The following HMCN1 variants were observed in gnomAD, a reference collection of about 807,000 sequenced individuals.
HMCN1 encodes the protein hemicentin-1.
A neutral mutation model predicts 625.9 loss-of-function variants in HMCN1; 321 were observed. That is an observed-to-expected ratio of 0.51 (90% CI 0.47 to 0.56). The LOEUF is 0.56. HMCN1 is among the 20% of genes least tolerant of loss of function. The pLI is 0.00. For synonymous variants in HMCN1, 2,425 were observed against 2,417.6 expected, an observed-to-expected ratio of 1.00 and a Z score of -0.09; for missense variants, 6,588 against 6,887.3, an observed-to-expected ratio of 0.96 and a Z score of 1.54.
In HMCN1 at chr1:186,136,037, G is replaced by A. The variant is rs755714793; in HGVS notation, c.13313-631G>A. Among the ~76,000 whole-genome samples, 29 of 152,096 alleles carry A rather than the reference G, an allele frequency of 1.9e-4. 1 individual carries two copies. The highest frequency in any genetic ancestry group is 4.1e-4 in the South Asian group (2 of 4,826). On this transcript the variant is annotated intron_variant, in intron 86 of 106. Transcript: ENST00000271588. ...AAAAGAATGAGTTAATTAGCCAGGC[G>A]TGGTGGCGGGTGCCTGTAATCCCAG... is the stretch of plus-strand genomic sequence containing the variant.
At chr1:186,050,955 A>G (rs1309710631) in intron 42 of HMCN1, among the ~76,000 whole-genome samples, 3 of 152,042 alleles carry the variant, frequency 2.0e-5, no homozygotes, top group African/African-American at 4.8e-5. Flanking sequence ...GTAGAAAAGC[A>G]TATGAGACAC....
intron 1 of HMCN1, among the ~76,000 whole-genome samples, chr1:185,827,485 G>T (rs1454527993): frequency 6.6e-6 from 1 of 152,022 alleles, no homozygotes; most frequent in Non-Finnish European, 1.5e-5. Flanking sequence ...GGAAAAGTTG[G>T]CAGGAGCACA....
At position 186,087,452 on chromosome 1, in the gene HMCN1, G is replaced by A. The variant is rs754932740; in HGVS notation, c.9170G>A (p.Ser3057Asn). 9 of 1,612,944 alleles carry A rather than the reference G, an allele frequency of 5.6e-6. No individual in the cohort carries two copies. The highest frequency in any genetic ancestry group is 1.7e-5 in the Admixed American group (1 of 59,846). Residue 3057 changes from serine (S) to asparagine (N), a missense_variant, in exon 60 of 107, where the codon AGC becomes AAC. Transcript: ENST00000271588. Reference protein sequence around the residue: ...KFSLTVYVPPSIKDHDSESLS... With the variant: ...KFSLTVYVPPNIKDHDSESLS... ...TATTTTCTTCCCTCAGTGCCCCCAA[G>A]CATTAAAGACCATGACAGTGAATCT... is the stretch of plus-strand genomic sequence containing the variant.
In HMCN1 at chr1:185,977,909, A is replaced by G. The variant is rs781052625; in HGVS notation, c.2494A>G (p.Met832Val). The change falls in exon 16 of 107, where the codon ATG becomes GTG. Residue 832 changes from methionine to valine, a missense_variant. This residue lies in a region of HMCN1 where 4,628 missense variants were observed against 4,853.1 expected (regional missense o/e 0.95). Transcript: ENST00000271588. ...PTIKWRRLDN[M>V]PIFSRPFSVS... ...AATCAAATGGCGAAGATTAGACAAC[A>G]TGCCAATTTTCTCAAGACCTTTTTC... The G allele has an allele frequency of 6.2e-7, 1 of 1,613,454 alleles. No homozygotes were observed.
intron 1 of HMCN1, among the ~76,000 whole-genome samples, chr1:185,780,513 G>A (rs1289676058): frequency 5.9e-5 from 9 of 152,032 alleles, no homozygotes; most frequent in South Asian, 2.1e-4. Flanking sequence ...TTATTTTGAT[G>A]TACATCCCAT....
At chr1:185,904,595 A>G (rs1034871951) in intron 4 of HMCN1, among the ~76,000 whole-genome samples, 3 of 151,976 alleles carry the variant, frequency 2.0e-5, no homozygotes, top group East Asian at 3.9e-4. Flanking sequence ...TCCTAATGCT[A>G]ACTCAGAAAA....
chr1:185,915,781 A>G (rs542467587), intron 6 of HMCN1, among the ~76,000 whole-genome samples: 1 of 152,236 alleles, frequency 6.6e-6, no homozygotes, highest in African/African-American at 2.4e-5. Flanking sequence ...AGGACCACAC[A>G]TGAAGATTAT....
intron 1 of HMCN1, among the ~76,000 whole-genome samples, chr1:185,743,906 A>C (rs995217013): frequency 1.3e-5 from 2 of 152,120 alleles, no homozygotes; most frequent in African/African-American, 4.8e-5. Context: ...ATTATCAAGG[A>C]AAATAGTACA....
At chr1:186,130,737 C>G (rs2102517150) in intron 85 of HMCN1, 40 bp downstream of exon 85, 1 of 1,542,224 alleles carries the variant, frequency 6.5e-7, no homozygotes, top group Middle Eastern at 2.3e-4. Context: ...TTTAAACCCC[C>G]ACAGCCAATA....
chr1:185,962,146 T>C (rs959881089), intron 11 of HMCN1, among the ~76,000 whole-genome samples: 1 of 152,126 alleles, frequency 6.6e-6, no homozygotes, highest in Non-Finnish European at 1.5e-5. Context: ...CAATCCTACA[T>C]TCATTGTCTA....
chr1:186,166,660 T>C, intron 99 of HMCN1, 148 bp from the exon 100 acceptor site: 1 of 1,025,840 alleles, frequency 9.7e-7, no homozygotes, highest in Non-Finnish European at 1.5e-6. Context: ...TTAGCCCACC[T>C]GATGTGACTC....
intron 100 of HMCN1, among the ~76,000 whole-genome samples, chr1:186,167,233 T>G (rs924282906): frequency 5.9e-5 from 9 of 152,220 alleles, no homozygotes; most frequent in African/African-American, 1.2e-4. Flanking sequence ...CCTGTTACCA[T>G]TTGATTGAGA....
Position 186,137,798 on chromosome 1 carries a change from A to G in HMCN1, c.13754-4A>G. Reference sequence around the variant, plus strand: ...TGATGGTGTAATGGTTCACCTTTGTATAGTGGATGGTAGCTGGTCGGAATG... The same window carrying G: ...TGATGGTGTAATGGTTCACCTTTGTGTAGTGGATGGTAGCTGGTCGGAATG... On this transcript the variant is annotated splice_region_variant and splice_polypyrimidine_tract_variant and intron_variant, in intron 88 of 106. Transcript: ENST00000271588. The G allele has an allele frequency of 6.2e-7, 1 of 1,614,076 alleles. No homozygotes were observed. The highest frequency in any genetic ancestry group is 8.5e-7 in the Non-Finnish European group (1 of 1,179,980).
In HMCN1 at chr1:185,866,354, A is replaced by C. The variant is rs1165520590; in HGVS notation, c.621+491A>C. On this transcript the variant is annotated intron_variant, in intron 4 of 106. Transcript: ENST00000271588. ...TATTTATAAATTATATTGTAAGAAA[A>C]TTTAGTATTTTCTTAAAAAGTCCTT... is the stretch of plus-strand genomic sequence containing the variant. Among the ~76,000 whole-genome samples, 5 of 150,948 alleles carry C rather than the reference A, an allele frequency of 3.3e-5. No homozygotes were observed. In the East Asian group the frequency reaches 9.7e-4, roughly 29 times the overall value.
intron 1 of HMCN1, among the ~76,000 whole-genome samples, chr1:185,816,754 C>T (rs1571395501): frequency 6.6e-6 from 1 of 152,112 alleles, no homozygotes; most frequent in African/African-American, 2.4e-5. Flanking sequence ...AGGAGAAGTG[C>T]CTGGAATTGT....
Position 185,864,639 on chromosome 1 carries a change from A to G in HMCN1, c.498+11A>G. The G allele has an allele frequency of 6.2e-7, 1 of 1,613,634 alleles. No homozygotes were observed. Among genetic ancestry groups the G allele is most frequent in the Non-Finnish European group, 8.5e-7 (1 of 1,179,672 alleles). ...CAGAAACAGTCACAAGTGAGTAAGAATCAACCCCAAACGTCTCTGTCTAAA... is the reference window on the plus strand; with the variant it reads ...CAGAAACAGTCACAAGTGAGTAAGAGTCAACCCCAAACGTCTCTGTCTAAA... On this transcript the variant is annotated intron_variant, in intron 3 of 106. Coordinates refer to ENST00000271588, the MANE Select transcript of HMCN1 (RefSeq NM_031935.3).
At chr1:186,112,763 C>T in intron 71 of HMCN1, 49 bp from the exon 72 acceptor site, 1 of 1,606,522 alleles carries the variant, frequency 6.2e-7, no homozygotes, top group Non-Finnish European at 8.5e-7. Context: ...AATATTTATT[C>T]TCTTTTCCTG....
At chr1:186,088,348 C>G (rs1659646712) in intron 62 of HMCN1, 72 bp downstream of exon 62, 4 of 1,605,006 alleles carry the variant, frequency 2.5e-6, no homozygotes, top group East Asian at 2.2e-5. Context: ...GACTTTTAAA[C>G]TAGCACATTT....
chr1:186,132,310 C>A lies in HMCN1; in HGVS notation c.13231-18C>A, dbSNP rs780703161. 2 of 1,599,484 alleles carry A rather than the reference C, an allele frequency of 1.3e-6. No homozygotes were observed. The highest frequency in any genetic ancestry group is 2.7e-5 in the African/African-American group (2 of 74,438). On this transcript the variant is annotated intron_variant, in intron 85 of 106. Coordinates refer to ENST00000271588, the MANE Select transcript of HMCN1 (RefSeq NM_031935.3). ...CTGTAGGCTCATATTTTTGTAAAAA[C>A]GCTGCTTATTTCCATAGAATGAAGA...
Sources: gnomAD v4.1 joint callset for allele counts (sites outside exome capture counted in the v4.1 genomes callset) on GRCh38, gnomAD v4.1.1 for gene constraint, gnomAD v4.1.1 regional missense constraint, MANE v1.5 for transcripts, NCBI Gene and HGNC (gene_info 2026-07-23, HGNC 2026-07-21) for gene names.